BCAS3: variants seen among roughly 807,000 people sequenced by gnomAD.
The protein encoded by BCAS3 is BCAS4/BCAS3 fusion.
A neutral mutation model predicts 116.1 loss-of-function variants in BCAS3; 53 were observed. That is an observed-to-expected ratio of 0.46 (90% confidence interval 0.37 to 0.57). BCAS3 has a LOEUF of 0.57. Among genes scored for constraint, BCAS3 ranks in the 20% least tolerant of loss-of-function variants. The probability of loss-of-function intolerance (pLI) is 0.00; values close to 1 mark genes in which losing one functional copy is unlikely to be tolerated. For synonymous variants in BCAS3, 391 were observed against 408.2 expected (o/e 0.96, Z 0.51); for missense variants, 917 against 1,165.4 (o/e 0.79, Z 3.10).
intron 22 of BCAS3, among the ~76,000 whole-genome samples, chr17:61,201,361 C>T (rs1186852752): frequency 6.6e-6 from 1 of 152,212 alleles, no homozygotes; most frequent in East Asian, 1.9e-4. Context: ...TTGCCAGCTG[C>T]ATAAGCGGGC....
Position 60,727,112 on chromosome 17 carries a change from T to G in BCAS3, c.321+17787T>G, listed in dbSNP as rs183286378. ...GTATTTATTTTCTCTCAGGTAATTTTTCTATGGCTTCAACATTTTCTCTTC... is the reference window on the plus strand; with the variant it reads ...GTATTTATTTTCTCTCAGGTAATTTGTCTATGGCTTCAACATTTTCTCTTC... On this transcript the variant is annotated intron_variant, in intron 5 of 23. Coordinates refer to ENST00000407086, the MANE Select transcript of BCAS3 (RefSeq NM_017679.5). The G allele has an allele frequency of 8.6e-4, 376 of 437,790 alleles. 3 individuals are homozygous for G. Among genetic ancestry groups the G allele is most frequent in the African/African-American group, 7.2e-3 (356 of 49,728 alleles). 27.1% of individuals were successfully genotyped at this position (437,790 alleles called of 1,614,324 possible). A position where few individuals can be genotyped will look rare whatever the true frequency, so the allele number is the denominator to read the frequency against.
chr17:61,205,268 C>T lies in BCAS3; in HGVS notation c.2425+120704C>T, dbSNP rs2144303094. ...TTGGATACAGCCAGAGAATAGTTTA[C>T]TGATAAAATATGTTTTAGGAAGGAA... On this transcript the variant is annotated intron_variant, in intron 22 of 23. Coordinates refer to ENST00000407086, the MANE Select transcript of BCAS3 (RefSeq NM_017679.5). This position sits in a 1 kb window ranked among gnomAD's most constrained non-coding sequence, Gnocchi z 5.2. Among the ~76,000 whole-genome samples the T allele has an allele frequency of 6.6e-6, 1 of 152,244 alleles. No homozygotes were observed. The highest frequency in any genetic ancestry group is 1.9e-4 in the East Asian group (1 of 5,188).
chr17:61,158,049 T>G (rs2077963783), intron 22 of BCAS3, among the ~76,000 whole-genome samples: 1 of 151,150 alleles, frequency 6.6e-6, no homozygotes, highest in Non-Finnish European at 1.5e-5. Flanking sequence ...TATGCAACTC[T>G]TTTTTTTATG....
intron 7 of BCAS3, among the ~76,000 whole-genome samples, chr17:60,842,477 AAAAG>A (rs1440106350): frequency 3.3e-5 from 5 of 152,110 alleles, no homozygotes; most frequent in Non-Finnish European, 4.4e-5. Flanking sequence ...GGTGATTAAA[AAAAG>A]AAAGTATACT....
intron 22 of BCAS3, among the ~76,000 whole-genome samples, chr17:61,149,165 C>T (rs963500914): frequency 2.0e-5 from 3 of 151,962 alleles, no homozygotes; most frequent in South Asian, 2.1e-4. Context: ...CAGTAGTTCT[C>T]GGTGTCTACT....
intron 22 of BCAS3, among the ~76,000 whole-genome samples, chr17:61,312,114 C>A (rs2054361067): frequency 6.6e-6 from 1 of 152,172 alleles, no homozygotes; most frequent in Admixed American, 6.5e-5. Context: ...CCTAGGCCGT[C>A]AGTAAGAGGT....
Position 61,309,209 on chromosome 17 carries a change from AG to A in BCAS3, c.2426-59115del, listed in dbSNP as rs1378984547. ...GTTAGCTCATGTGAGGATACGTATAAGGGAATTAGATAACTCTCTACGTGAT... is the reference window on the plus strand; with the variant it reads ...GTTAGCTCATGTGAGGATACGTATAAGGAATTAGATAACTCTCTACGTGAT... On this transcript the variant is annotated intron_variant, in intron 22 of 23. Transcript: ENST00000407086. The surrounding 1 kb of genome is among the most constrained non-coding windows in gnomAD (Gnocchi z 4.6). 6.6e-6 allele frequency among the ~76,000 whole-genome samples: 1 copy of A among 152,208 alleles called. No homozygotes were observed. Among genetic ancestry groups the A allele is most frequent in the Non-Finnish European group, 1.5e-5 (1 of 68,038 alleles).
At chr17:60,971,374 T>C (rs906449810) in intron 14 of BCAS3, among the ~76,000 whole-genome samples, 1 of 152,218 alleles carries the variant, frequency 6.6e-6, no homozygotes, top group Admixed American at 6.5e-5. Flanking sequence ...ATATTGTCTC[T>C]ATACTCAGTT....
intron 22 of BCAS3, among the ~76,000 whole-genome samples, chr17:61,123,385 G>A (rs1280584440): frequency 6.6e-6 from 1 of 152,096 alleles, no homozygotes; most frequent in Non-Finnish European, 1.5e-5. Context: ...TAGTTTTGTA[G>A]TATTTGATAT....
rs528248124 is a variant in BCAS3 at position 60,770,687 on chromosome 17, G to C, written c.403+23408G>C. ...CTGCTTCGGCCTCCCAAAGTGACAGGCATGAGCCACTGCACCTGGCCCCAG... is the reference window on the plus strand; with the variant it reads ...CTGCTTCGGCCTCCCAAAGTGACAGCCATGAGCCACTGCACCTGGCCCCAG... On this transcript the variant is annotated intron_variant, in intron 6 of 23. Coordinates refer to ENST00000407086, the MANE Select transcript of BCAS3 (RefSeq NM_017679.5). 4.9e-4 allele frequency among the ~76,000 whole-genome samples: 74 copies of C among 151,528 alleles called. 1 individual carries two copies. The South Asian group carries it at 0.014, about 30-fold the overall frequency.
chr17:60,703,149 C>T (rs1485394818), intron 4 of BCAS3, among the ~76,000 whole-genome samples: 1 of 151,664 alleles, frequency 6.6e-6, no homozygotes, highest in African/African-American at 2.4e-5. Flanking sequence ...GTGGCAGGTG[C>T]CTCTAATCCC....
chr17:60,703,937 GA>G (rs918524218), intron 4 of BCAS3, among the ~76,000 whole-genome samples: 20 of 140,118 alleles, frequency 1.4e-4, no homozygotes, highest in Non-Finnish European at 2.0e-4. Context: ...AAGAAAAAAA[GA>G]AAAAAAAAAG....
intron 7 of BCAS3, among the ~76,000 whole-genome samples, chr17:60,863,646 C>G (rs73320609): frequency 0.047 from 7,215 of 151,920 alleles, 557 homozygotes; most frequent in African/African-American, 0.16. Flanking sequence ...CCCAGCTACT[C>G]AGGATGCTGT....
At position 61,351,552 on chromosome 17, in the gene BCAS3, G is replaced by A. The variant is rs976346106; in HGVS notation, c.2426-16775G>A. ...AGCAGTATTATTCCTCTTATACAGTGGAGAAAGCTGAAGTTCCAGGAGGTT... is the reference window on the plus strand; with the variant it reads ...AGCAGTATTATTCCTCTTATACAGTAGAGAAAGCTGAAGTTCCAGGAGGTT... On this transcript the variant is annotated intron_variant, in intron 22 of 23. Transcript: ENST00000407086. 3.9e-5 allele frequency among the ~76,000 whole-genome samples: 6 copies of A among 152,304 alleles called. No individual in the cohort carries two copies. In the South Asian group the frequency reaches 6.2e-4, roughly 16 times the overall value.
In BCAS3 at chr17:61,235,076, A is replaced by G. The variant is rs922563905; in HGVS notation, c.2426-133251A>G. Reference sequence around the variant, plus strand: ...CTAAGTTTTGTATTTTAGTAGAGACAGGGTTTCACCACATTGGCCGGGCTG... The same window carrying G: ...CTAAGTTTTGTATTTTAGTAGAGACGGGGTTTCACCACATTGGCCGGGCTG... On this transcript the variant is annotated intron_variant, in intron 22 of 23. Transcript: ENST00000407086. The surrounding 1 kb of genome is among the most constrained non-coding windows in gnomAD (Gnocchi z 5.0). Among the ~76,000 whole-genome samples, 9 of 152,106 alleles carry G rather than the reference A, an allele frequency of 5.9e-5. No homozygotes were observed. Among genetic ancestry groups the G allele is most frequent in the Non-Finnish European group, 1.2e-4 (8 of 68,016 alleles).
intron 22 of BCAS3, among the ~76,000 whole-genome samples, chr17:61,184,812 G>A (rs902601651): frequency 6.6e-6 from 1 of 152,048 alleles, no homozygotes; most frequent in Non-Finnish European, 1.5e-5. Context: ...AAAGCATTGT[G>A]CTAAGTGAAA....
chr17:61,273,524 T>C (rs941779652), intron 22 of BCAS3, among the ~76,000 whole-genome samples: 2 of 152,194 alleles, frequency 1.3e-5, no homozygotes, highest in Admixed American at 1.3e-4. Context: ...ATTTTGATGA[T>C]GATGTGCTCT....
In BCAS3 at chr17:61,392,759, G is replaced by A. The variant is rs1030803456; in HGVS notation, c.*634G>A. ...CCTGGTCCTGTACTGATCAGTGAAGGAAACCGTGGTTACTGAGGCCCTGTT... is the reference window on the plus strand; with the variant it reads ...CCTGGTCCTGTACTGATCAGTGAAGAAAACCGTGGTTACTGAGGCCCTGTT... On this transcript the variant is annotated 3_prime_UTR_variant, in exon 24 of 24. Coordinates refer to ENST00000407086, the MANE Select transcript of BCAS3 (RefSeq NM_017679.5). This position sits in a 1 kb window ranked among gnomAD's most constrained non-coding sequence, Gnocchi z 6.4. 3.9e-5 allele frequency: 6 copies of A among 152,306 alleles called. No individual in the cohort carries two copies. Among genetic ancestry groups the A allele is most frequent in the East Asian group, 3.8e-4 (2 of 5,200 alleles). 9.4% of individuals were successfully genotyped at this position (152,306 alleles called of 1,614,324 possible). A position where few individuals can be genotyped will look rare whatever the true frequency, so the allele number is the denominator to read the frequency against.
intron 15 of BCAS3, among the ~76,000 whole-genome samples, chr17:60,991,993 G>A (rs994407697): frequency 5.3e-5 from 8 of 151,962 alleles, no homozygotes; most frequent in Admixed American, 3.3e-4. Flanking sequence ...GGAATGTAAC[G>A]CAATTGATCT....
Sources: gnomAD v4.1 joint callset for allele counts (sites outside exome capture counted in the v4.1 genomes callset) on GRCh38, gnomAD v4.1.1 for gene constraint, Gnocchi (gnomAD v3.1) non-coding constraint, MANE v1.5 for transcripts, NCBI Gene and HGNC (gene_info 2026-07-23, HGNC 2026-07-21) for gene names.